The following HS1BP3 variants were observed in gnomAD, a reference collection of about 807,000 sequenced individuals.
HS1BP3 encodes HCLS1-binding protein 3.
HS1BP3 carries 32 observed loss-of-function variants against 33.5 expected under a neutral mutation model. The observed-to-expected ratio is 0.95, with a 90% confidence interval of 0.72 to 1.28. The LOEUF (loss-of-function observed/expected upper bound fraction) is 1.28, where lower values mean the gene tolerates loss of function less well. Ranked by LOEUF, HS1BP3 falls within the 50% of genes most tolerant of loss-of-function variation. The probability of loss-of-function intolerance (pLI) is 0.00; values close to 1 mark genes in which losing one functional copy is unlikely to be tolerated. For missense variants in HS1BP3, 486 were observed against 502.3 expected, an observed-to-expected ratio of 0.97 and a Z score of 0.31; for synonymous variants, 187 against 209.2, an observed-to-expected ratio of 0.89 and a Z score of 0.92.
At chr2:20,621,290 C>T (rs192653082) in intron 6 of HS1BP3, among the ~76,000 whole-genome samples, 5 of 152,348 alleles carry the variant, frequency 3.3e-5, no homozygotes, top group East Asian at 1.9e-4. Flanking sequence ...GCTCCGGACA[C>T]CCTGCCTGCT....
chr2:20,597,204 C>G (rs1693962595), intron 3 of HS1BP3, among the ~76,000 whole-genome samples: 1 of 152,194 alleles, frequency 6.6e-6, no homozygotes, highest in Non-Finnish European at 1.5e-5. Context: ...CTCTCTGAGC[C>G]CAGCAGGAAG....
rs760924277 is a variant in HS1BP3, at chr2:20,619,291, G to A, written c.921-46C>T. The A allele has an allele frequency of 4.1e-5, 60 of 1,477,106 alleles. No individual in the cohort carries two copies. In the African/African-American group the frequency reaches 5.2e-4, roughly 13 times the overall value. 91.5% of individuals were successfully genotyped at this position (1,477,106 alleles called of 1,614,324 possible). On this transcript the variant is annotated intron_variant, in intron 6 of 6. Coordinates refer to ENST00000304031, the MANE Select transcript of HS1BP3 (RefSeq NM_022460.4). The stretch of plus-strand genomic sequence containing the variant: ...ACCCTGAGCATAACACTGCCACCCC[G>A]TGACAGGAACAAGACCCCAGGCAAT...
chr2:20,613,320 C>T (rs1199412117), downstream of HS1BP3, among the ~76,000 whole-genome samples: 9 of 152,218 alleles, frequency 5.9e-5, no homozygotes, highest in Admixed American at 1.3e-4. Flanking sequence ...TCCCATGCTC[C>T]GGAAGCCTTT....
At chr2:20,554,464 T>G in the HS1BP3 span, among the ~76,000 whole-genome samples, 1 of 152,182 alleles carries the variant, frequency 6.6e-6, no homozygotes, top group Non-Finnish European at 1.5e-5. Context: ...GGCTGATGCC[T>G]GTAATCCCAA....
chr2:20,633,375 T>C (rs1038312546), intron 4 of HS1BP3, among the ~76,000 whole-genome samples: 1 of 152,256 alleles, frequency 6.6e-6, no homozygotes, highest in Non-Finnish European at 1.5e-5. Flanking sequence ...GCCTGTTTTA[T>C]GTACTGGGAT....
chr2:20,565,319 G>A (rs1342722469), intron 5 of HS1BP3, among the ~76,000 whole-genome samples: 1 of 152,192 alleles, frequency 6.6e-6, no homozygotes, highest in Admixed American at 6.5e-5. Flanking sequence ...TCTCACCCAA[G>A]ACTGTGGCTC....
At chr2:20,638,141 C>T (rs975078904) in intron 4 of HS1BP3, 1 of 563,030 alleles carries the variant, frequency 1.8e-6, no homozygotes, top group African/African-American at 1.9e-5. Flanking sequence ...GCCTGCACTA[C>T]TGAGCTGTCA....
chr2:20,650,388 G>A (rs1454928558), intron 1 of HS1BP3, among the ~76,000 whole-genome samples: 2 of 152,216 alleles, frequency 1.3e-5, no homozygotes, highest in African/African-American at 2.4e-5. Context: ...TCCAGGTCTC[G>A]ATCAGGGCCG....
chr2:20,645,303 C>T (rs766996237), intron 2 of HS1BP3, 37 bp downstream of exon 2: 3 of 1,595,398 alleles, frequency 1.9e-6, no homozygotes, highest in South Asian at 2.3e-5. Context: ...GGACCCCGGG[C>T]ACCCTCGAAA....
chr2:20,587,162 A>G (rs1267372644), intron 5 of HS1BP3, among the ~76,000 whole-genome samples: 1 of 152,246 alleles, frequency 6.6e-6, no homozygotes, highest in Non-Finnish European at 1.5e-5. Flanking sequence ...GGAAGCCAAG[A>G]TGTTCTACAA....
At chr2:20,567,902 GC>G (rs1693174359) in intron 5 of HS1BP3, among the ~76,000 whole-genome samples, 2 of 152,268 alleles carry the variant, frequency 1.3e-5, no homozygotes, top group Non-Finnish European at 1.5e-5. Flanking sequence ...CCCACAGCTG[GC>G]CCCCAGCACC....
At chr2:20,649,200 T>G (rs367678837) in intron 1 of HS1BP3, among the ~76,000 whole-genome samples, 1 of 152,184 alleles carries the variant, frequency 6.6e-6, no homozygotes, top group Non-Finnish European at 1.5e-5. Context: ...CTGATCATCC[T>G]TCACTCCCAA....
At chr2:20,561,702 T>G (rs1326534668) in intron 5 of HS1BP3, among the ~76,000 whole-genome samples, 1 of 152,210 alleles carries the variant, frequency 6.6e-6, no homozygotes, top group Admixed American at 6.5e-5. Flanking sequence ...GCTGTGATAC[T>G]GTGATGTAAT....
Position 20,638,655 on chromosome 2 carries a change from G to T in HS1BP3, c.407-3C>A. 2 of 1,611,398 alleles carry T rather than the reference G, an allele frequency of 1.2e-6. No homozygotes were observed. The highest frequency in any genetic ancestry group is 8.5e-7 in the Non-Finnish European group (1 of 1,178,100). Reference sequence around the variant, plus strand: ...TGCAGCCCCTGGGGATCTGGTACCTGTGGAGGAAGACAGAAAAGAATGGAC... The same window carrying T: ...TGCAGCCCCTGGGGATCTGGTACCTTTGGAGGAAGACAGAAAAGAATGGAC... On this transcript the variant is annotated splice_region_variant and splice_polypyrimidine_tract_variant and intron_variant, in intron 3 of 6. Transcript: ENST00000304031.
intron 2 of HS1BP3, among the ~76,000 whole-genome samples, chr2:20,604,548 A>G (rs896738): frequency 0.024 from 3,656 of 152,352 alleles, 50 homozygotes; most frequent in Non-Finnish European, 0.035. Flanking sequence ...CCAGTGAGCC[A>G]GGCTCTGCTC....
downstream of HS1BP3, among the ~76,000 whole-genome samples, chr2:20,613,206 C>T (rs947647108): frequency 6.6e-6 from 1 of 152,170 alleles, no homozygotes; most frequent in African/African-American, 2.4e-5. Flanking sequence ...GGCGATAACA[C>T]CAAAAGGAAA....
chr2:20,634,272 T>C (rs1381908075), intron 4 of HS1BP3, among the ~76,000 whole-genome samples: 1 of 152,198 alleles, frequency 6.6e-6, no homozygotes, highest in Non-Finnish European at 1.5e-5. Context: ...CAGAATTTGG[T>C]TTCTGGGAAT....
Position 20,567,927 on chromosome 2 carries a change from A to G in HS1BP3, c.303-7412T>C, listed in dbSNP as rs542821223. ...GCCCCCAGCACCGAGGGGGAACTCA[A>G]CGTCCCCAGGGGCTCTCTGGAGGTC... On this transcript the variant is annotated intron_variant, in intron 5 of 5. Transcript: ENST00000446825. Among the ~76,000 whole-genome samples, 82 of 152,284 alleles carry G rather than the reference A, an allele frequency of 5.4e-4. 1 individual carries two copies. The South Asian group carries it at 0.017, about 31-fold the overall frequency.
intron 6 of HS1BP3, among the ~76,000 whole-genome samples, chr2:20,619,496 C>A (rs1008341774): frequency 7.2e-5 from 11 of 152,202 alleles, no homozygotes; most frequent in Non-Finnish European, 1.3e-4. Flanking sequence ...GCAGGCCCCA[C>A]GCAGCCTCCT....
Sources: allele counts gnomAD v4.1 joint callset (sites outside exome capture counted in the v4.1 genomes callset), GRCh38; gene constraint gnomAD v4.1.1; transcripts MANE v1.5; gene names NCBI Gene and HGNC (gene_info 2026-07-23, HGNC 2026-07-21).